MACC1: variants seen among roughly 807,000 people sequenced by gnomAD.
MACC1 encodes the protein MET transcriptional regulator MACC1.
A neutral mutation model predicts 70.7 loss-of-function variants in MACC1; 79 were observed. The observed-to-expected ratio is 1.12, with a 90% CI of 0.93 to 1.35. The LOEUF is 1.35. Ranked by LOEUF, MACC1 falls within the 40% of genes most tolerant of loss-of-function variation. MACC1 has a pLI of 0.00. For synonymous variants in MACC1, 361 were observed against 347.2 expected (o/e 1.04, Z -0.44); for missense variants, 1,106 against 978.1 (o/e 1.13, Z -1.74).
At chr7:20,188,680 C>T (rs749887699) in intron 1 of MACC1, among the ~76,000 whole-genome samples, 1 of 152,126 alleles carries the variant, frequency 6.6e-6, no homozygotes, top group Non-Finnish European at 1.5e-5. Context: ...TATTAATTTT[C>T]ACCCATTCTC....
chr7:20,216,322 A>T lies in MACC1; in HGVS notation c.-218+977T>A, dbSNP rs73278548. 2.4e-3 allele frequency among the ~76,000 whole-genome samples: 366 copies of T among 152,288 alleles called. 2 individuals carry two copies. The highest frequency in any genetic ancestry group is 8.1e-3 in the African/African-American group (335 of 41,574). ...TTTTGATCTTAAAAATAAATTTTTT[A>T]AAATCTATCTTTATTAATTGTGGTA... On this transcript the variant is annotated intron_variant, in intron 1 of 6. Transcript: ENST00000400331.
chr7:20,176,015 G>A (rs1016037896), intron 1 of MACC1, among the ~76,000 whole-genome samples: 4 of 152,174 alleles, frequency 2.6e-5, no homozygotes, highest in African/African-American at 9.6e-5. Context: ...TGCACCTCTT[G>A]AGCCTCTGTT....
chr7:20,160,358 T>G, intron 4 of MACC1, 113 bp from the exon 5 acceptor site: 1 of 1,290,396 alleles, frequency 7.7e-7, no homozygotes, highest in Non-Finnish European at 1.0e-6. Context: ...TTCATTTTTC[T>G]TTCTGATCTC....
chr7:20,188,104 T>G (rs540415619), intron 1 of MACC1, among the ~76,000 whole-genome samples: 1 of 152,136 alleles, frequency 6.6e-6, no homozygotes, highest in Admixed American at 6.6e-5. Flanking sequence ...CAAGATCTCC[T>G]GACAACTCAC....
At chr7:20,168,579 C>A (rs2128104056) in intron 2 of MACC1, among the ~76,000 whole-genome samples, 1 of 152,280 alleles carries the variant, frequency 6.6e-6, no homozygotes, top group Middle Eastern at 3.4e-3. Flanking sequence ...TCGGTCCCAC[C>A]TTTTACAGTA....
chr7:20,213,652 T>G (rs1446648291), intron 1 of MACC1, among the ~76,000 whole-genome samples: 2 of 152,116 alleles, frequency 1.3e-5, no homozygotes, highest in Non-Finnish European at 2.9e-5. Context: ...GAGGCTATCA[T>G]AAACAGAAAA....
chr7:20,157,766 C>CAAAAAAAAAAAAAAAAAAAAAAAAAA (rs370288319), intron 5 of MACC1, among the ~76,000 whole-genome samples: 1 of 53,916 alleles, frequency 1.9e-5, no homozygotes. Context: ...GACTTTGTCT[C>CAAAAAAAAAAAAAAAAAAAAAAAAAA]AAAAAAAAAA....
intron 6 of MACC1, 62 bp from the exon 7 acceptor site, chr7:20,141,220 TA>T (rs1178284230): frequency 1.5e-5 from 17 of 1,157,558 alleles, no homozygotes; most frequent in Admixed American, 1.0e-4. Flanking sequence ...AAATCGTTTT[TA>T]AAAAAAAGAT....
At chr7:20,188,201 T>TC (rs1782618867) in intron 1 of MACC1, among the ~76,000 whole-genome samples, 1 of 152,200 alleles carries the variant, frequency 6.6e-6, no homozygotes, top group African/African-American at 2.4e-5. Flanking sequence ...TGAGGATTAT[T>TC]CCAATTCAAG....
chr7:20,199,841 A>G (rs1782806903), intron 1 of MACC1, among the ~76,000 whole-genome samples: 1 of 152,230 alleles, frequency 6.6e-6, no homozygotes, highest in African/African-American at 2.4e-5. Flanking sequence ...TCTTAAAAAT[A>G]AATTTAAACA....
chr7:20,142,434 T>C (rs1562579104), intron 6 of MACC1, among the ~76,000 whole-genome samples: 1 of 152,162 alleles, frequency 6.6e-6, no homozygotes, highest in African/African-American at 2.4e-5. Context: ...AGGTAGAGAA[T>C]AAAAGACAAT....
chr7:20,188,501 T>A (rs988277057), intron 1 of MACC1, among the ~76,000 whole-genome samples: 2 of 152,204 alleles, frequency 1.3e-5, no homozygotes, highest in Non-Finnish European at 2.9e-5. Flanking sequence ...AACATCAGGA[T>A]GCTTTTTACA....
At chr7:20,188,917 C>T (rs1782630914) in intron 1 of MACC1, among the ~76,000 whole-genome samples, 1 of 152,168 alleles carries the variant, frequency 6.6e-6, no homozygotes, top group Non-Finnish European at 1.5e-5. Flanking sequence ...AGTTATATAG[C>T]CTATATGGCT....
chr7:20,161,643 T>C, intron 4 of MACC1, 105 bp downstream of exon 4: 1 of 684,592 alleles, frequency 1.5e-6, no homozygotes, highest in Non-Finnish European at 2.5e-6. Flanking sequence ...GATTTTATAA[T>C]TCTTTTCATC....
rs1309970262 is a variant in MACC1 at position 20,159,432 on chromosome 7, C to G, written c.929G>C (p.Cys310Ser). ...PFSQVMTEMV[C>S]LHSLGKEGPF... is the part of the protein sequence containing the mutation. ...GCCTTCTTTACCCAAGCTGTGTAAA[C>G]ACACCATTTCTGTCATGACTTGGCT... Residue 310 changes from cysteine (C) to serine (S), a missense_variant, in exon 5 of 7, where the codon TGT (cysteine) becomes TCT (serine). Physicochemically the swap from Cys to Ser is moderately radical, Grantham distance 112. Coordinates refer to ENST00000400331, the MANE Select transcript of MACC1 (RefSeq NM_182762.4). 6.2e-7 allele frequency: 1 copy of G among 1,614,040 alleles called. No homozygotes were observed. Among genetic ancestry groups the G allele is most frequent in the Admixed American group, 1.7e-5 (1 of 59,990 alleles).
At chr7:20,194,487 C>T (rs992333801) in intron 1 of MACC1, among the ~76,000 whole-genome samples, 1 of 152,158 alleles carries the variant, frequency 6.6e-6, no homozygotes, top group African/African-American at 2.4e-5. Flanking sequence ...TGTGAAGAGC[C>T]TCACTTAAGG....
intron 6 of MACC1, among the ~76,000 whole-genome samples, chr7:20,151,475 C>A (rs1781977310): frequency 6.6e-6 from 1 of 152,134 alleles, no homozygotes. Flanking sequence ...CTCTGAAAAA[C>A]ATACTTTGCT....
chr7:20,213,039 T>A (rs1289008325), intron 1 of MACC1, among the ~76,000 whole-genome samples: 1 of 152,138 alleles, frequency 6.6e-6, no homozygotes, highest in Non-Finnish European at 1.5e-5. Flanking sequence ...TCCACCTTGG[T>A]CGACTTGACA....
At chr7:20,164,001 A>C (rs1418896581) in intron 3 of MACC1, among the ~76,000 whole-genome samples, 2 of 152,162 alleles carry the variant, frequency 1.3e-5, no homozygotes, top group Non-Finnish European at 2.9e-5. Flanking sequence ...CAGTGGTGTG[A>C]TCTCAGCTCA....
Sources: gnomAD v4.1 joint callset for allele counts (sites outside exome capture counted in the v4.1 genomes callset) on GRCh38, gnomAD v4.1.1 for gene constraint, MANE v1.5 for transcripts, NCBI Gene and HGNC (gene_info 2026-07-23, HGNC 2026-07-21) for gene names.